VPS41: variants seen among roughly 807,000 people sequenced by gnomAD.
VPS41 encodes vacuolar protein sorting-associated protein 41 homolog.
VPS41 carries 85 observed loss-of-function variants against 130.9 expected under a neutral mutation model. The ratio of observed to expected loss-of-function variants is 0.65; its 90% CI spans 0.55 to 0.78. The LOEUF (loss-of-function observed/expected upper bound fraction) is 0.78. Ranked by LOEUF, VPS41 falls within the 30% of genes least tolerant of loss-of-function variation. The pLI is 0.00. For synonymous variants in VPS41, 335 were observed against 332.9 expected (o/e 1.01, Z -0.07); for missense variants, 874 against 1,018.7 (o/e 0.86, Z 1.93).
chr7:38,864,648 A>G (rs1460307730), intron 3 of VPS41, among the ~76,000 whole-genome samples: 1 of 152,218 alleles, frequency 6.6e-6, no homozygotes, highest in Non-Finnish European at 1.5e-5. Flanking sequence ...TACTTAAAAT[A>G]TAACAAAAAA....
intron 10 of VPS41, among the ~76,000 whole-genome samples, chr7:38,780,168 G>GT (rs1159827807): frequency 1.3e-3 from 170 of 129,160 alleles, no homozygotes; most frequent in South Asian, 1.6e-3. Context: ...TGGACAGGGT[G>GT]TTTTTTTTTT....
chr7:38,773,304 T>C (rs1470290710), intron 12 of VPS41, among the ~76,000 whole-genome samples: 1 of 103,606 alleles, frequency 9.7e-6, no homozygotes, highest in East Asian at 4.5e-4. Context: ...CTGAGCCAAA[T>C]ACCTAGATTG....
chr7:38,791,601 G>A (rs113227819), intron 9 of VPS41, among the ~76,000 whole-genome samples: 9 of 152,268 alleles, frequency 5.9e-5, no homozygotes, highest in African/African-American at 2.2e-4. Flanking sequence ...GTTGAAGCAG[G>A]AGAGACAACA....
chr7:38,774,597 A>T (rs972944044), intron 11 of VPS41, among the ~76,000 whole-genome samples: 3 of 152,180 alleles, frequency 2.0e-5, no homozygotes, highest in Non-Finnish European at 4.4e-5. Flanking sequence ...GACCACTGTA[A>T]CAATAAAAAT....
intron 2 of VPS41, among the ~76,000 whole-genome samples, chr7:38,889,018 A>G (rs1375488724): frequency 2.0e-5 from 3 of 152,048 alleles, no homozygotes; most frequent in African/African-American, 7.2e-5. Flanking sequence ...TGACAGGTTG[A>G]TGGGTGCAGA....
chr7:38,873,301 T>G (rs950630783), intron 2 of VPS41, among the ~76,000 whole-genome samples: 1 of 151,884 alleles, frequency 6.6e-6, no homozygotes, highest in Non-Finnish European at 1.5e-5. Flanking sequence ...TTTTTCCTTC[T>G]TGCTGTAAAC....
chr7:38,831,243 GT>G (rs1302088430), intron 4 of VPS41: 1 of 470,894 alleles, frequency 2.1e-6, no homozygotes, highest in Admixed American at 2.3e-5. Context: ...TTGGCATCTG[GT>G]TGTAAGCTGC....
At chr7:38,856,839 A>T (rs1375170891) in intron 4 of VPS41, among the ~76,000 whole-genome samples, 1 of 152,220 alleles carries the variant, frequency 6.6e-6, no homozygotes, top group Non-Finnish European at 1.5e-5. Context: ...GAGAGAAAAG[A>T]AGTCATCAAA....
chr7:38,885,192 G>A (rs1584445115), intron 2 of VPS41, among the ~76,000 whole-genome samples: 1 of 152,278 alleles, frequency 6.6e-6, no homozygotes, highest in Non-Finnish European at 1.5e-5. Flanking sequence ...CCCTGCCTCA[G>A]CCTCCCAAGT....
At chr7:38,909,086 A>G (rs1584458655) in intron 1 of VPS41, 68 bp downstream of exon 1, 1 of 1,559,038 alleles carries the variant, frequency 6.4e-7, no homozygotes, top group Non-Finnish European at 8.7e-7. Flanking sequence ...ACTCCACTCC[A>G]CCCTCCCCAA....
At chr7:38,844,056 T>C (rs756338073) in intron 4 of VPS41, among the ~76,000 whole-genome samples, 1 of 152,262 alleles carries the variant, frequency 6.6e-6, no homozygotes, top group Non-Finnish European at 1.5e-5. Context: ...TTATTTAAGT[T>C]ACATAGTAGC....
At position 38,726,993 on chromosome 7, in the gene VPS41, C is replaced by T. The variant is rs144271652; in HGVS notation, c.2405-5G>A. 14 of 1,544,632 alleles carry T rather than the reference C, an allele frequency of 9.1e-6. No homozygotes were observed. The highest frequency in any genetic ancestry group is 7.4e-5 in the East Asian group (3 of 40,602). On this transcript the variant is annotated splice_polypyrimidine_tract_variant and splice_region_variant and intron_variant, in intron 27 of 28. Transcript: ENST00000310301. ...CGCTGAAGGGCTTAGCTGCATCTGG[C>T]GAGGAGGGCAGAGAAAGGAGGAGAA...
At chr7:38,753,881 T>A (rs1783732870) in intron 21 of VPS41, among the ~76,000 whole-genome samples, 1 of 152,092 alleles carries the variant, frequency 6.6e-6, no homozygotes, top group Admixed American at 6.6e-5. Flanking sequence ...GAAAACTGAC[T>A]TTTGAAAAAA....
At chr7:38,746,337 C>G (rs922101009) in intron 22 of VPS41, among the ~76,000 whole-genome samples, 4 of 151,554 alleles carry the variant, frequency 2.6e-5, no homozygotes, top group African/African-American at 7.3e-5. Flanking sequence ...ACTATATTCT[C>G]TGTGCTGGGT....
chr7:38,863,171 G>C (rs1786157968), intron 3 of VPS41, among the ~76,000 whole-genome samples: 1 of 152,128 alleles, frequency 6.6e-6, no homozygotes, highest in African/African-American at 2.4e-5. Flanking sequence ...ATATAATGTT[G>C]AGTGTTAATG....
intron 5 of VPS41, 46 bp from the exon 6 acceptor site, chr7:38,821,311 G>A: frequency 2.9e-6 from 4 of 1,368,314 alleles, no homozygotes; most frequent in Non-Finnish European, 4.2e-6. Context: ...CAGCAATAGA[G>A]AAGGCTACTG....
chr7:38,793,069 T>C (rs1245487047), intron 9 of VPS41, among the ~76,000 whole-genome samples: 2 of 152,222 alleles, frequency 1.3e-5, no homozygotes, highest in Non-Finnish European at 2.9e-5. Flanking sequence ...CTATATTAAA[T>C]GGTACCTACC....
At chr7:38,861,010 G>A (rs897311313) in intron 4 of VPS41, among the ~76,000 whole-genome samples, 1 of 151,930 alleles carries the variant, frequency 6.6e-6, no homozygotes, top group Non-Finnish European at 1.5e-5. Flanking sequence ...CATATAGTCA[G>A]GACTGAAAAA....
intron 1 of VPS41, among the ~76,000 whole-genome samples, chr7:38,903,011 A>G (rs2116456898): frequency 6.9e-6 from 1 of 145,298 alleles, no homozygotes; most frequent in South Asian, 2.1e-4. Context: ...TGATGAGACA[A>G]GCTGCCAATC....
Sources: gnomAD v4.1 joint callset for allele counts (sites outside exome capture counted in the v4.1 genomes callset) on GRCh38, gnomAD v4.1.1 for gene constraint, MANE v1.5 for transcripts, NCBI Gene and HGNC (gene_info 2026-07-23, HGNC 2026-07-21) for gene names.